Variants in APBB2 observed in about 807,000 individuals in gnomAD.
APBB2 encodes amyloid beta precursor protein binding family B member 2, also known as Fe65-like 1.
Under a neutral mutation model 82.5 loss-of-function variants are expected in APBB2, and 38 were observed. The observed-to-expected ratio is 0.46, with a 90% confidence interval of 0.36 to 0.60. APBB2 has a LOEUF of 0.60. Ranked by LOEUF, APBB2 falls within the 20% of genes least tolerant of loss-of-function variation. The pLI is 0.00. For synonymous variants in APBB2, 341 were observed against 368.2 expected (o/e 0.93, Z 0.85); for missense variants, 772 against 972.3 (o/e 0.79, Z 2.74).
At chr4:41,015,501 G>C (rs1468188360) in intron 5 of APBB2, among the ~76,000 whole-genome samples, 2 of 152,162 alleles carry the variant, frequency 1.3e-5, no homozygotes, top group Non-Finnish European at 2.9e-5. Flanking sequence ...GCAAAACAGG[G>C]ATCTTTGCAG....
intron 12 of APBB2, among the ~76,000 whole-genome samples, chr4:40,869,688 A>G (rs1764943779): frequency 1.3e-5 from 2 of 149,352 alleles, no homozygotes; most frequent in South Asian, 4.3e-4. Flanking sequence ...AAGGCAGACA[A>G]GGAATATACG....
chr4:40,981,588 T>C (rs62412067), intron 6 of APBB2, among the ~76,000 whole-genome samples: 2 of 152,094 alleles, frequency 1.3e-5, no homozygotes, highest in African/African-American at 4.8e-5. Flanking sequence ...GGAAAAAAAT[T>C]CCACTTCACA....
intron 12 of APBB2, among the ~76,000 whole-genome samples, chr4:40,852,351 CAA>C (rs771660810): frequency 0.06 from 5,603 of 94,046 alleles, 151 homozygotes; most frequent in African/African-American, 0.12. Flanking sequence ...ACTCTGTCTT[CAA>C]AAAAAAAAAA....
At chr4:41,177,267 A>G (rs1287147525) in intron 1 of APBB2, among the ~76,000 whole-genome samples, 1 of 152,120 alleles carries the variant, frequency 6.6e-6, no homozygotes, top group Non-Finnish European at 1.5e-5. Context: ...ACAGGAGGCA[A>G]ACAAGATCTA....
In APBB2 at chr4:40,832,011, TATACACAC is replaced by T. The variant is rs1175795939; in HGVS notation, c.1530-1442_1530-1435del. ...ACACACATATTTATATATTTATTTA[TATACACAC>T]ACACACACACACACACACACACACA... On this transcript the variant is annotated intron_variant, in intron 12 of 17. Transcript: ENST00000508593. This position sits in a 1 kb window ranked among gnomAD's most constrained non-coding sequence, Gnocchi z 4.8. Among the ~76,000 whole-genome samples, 9 of 49,580 alleles carry T rather than the reference TATACACAC, an allele frequency of 1.8e-4. No individual in the cohort carries two copies. The highest frequency in any genetic ancestry group is 4.7e-4 in the African/African-American group (9 of 19,152). 32.5% of individuals were successfully genotyped at this position (49,580 alleles called of 152,430 possible).
At chr4:41,084,536 A>T (rs115135369) in intron 3 of APBB2, 4 of 152,238 alleles carry the variant, frequency 2.6e-5, no homozygotes, top group South Asian at 2.1e-4. Context: ...ACAAGTGTTC[A>T]TCATGCCCCT....
At chr4:40,871,692 A>C (rs529704284) in intron 12 of APBB2, among the ~76,000 whole-genome samples, 1 of 152,380 alleles carries the variant, frequency 6.6e-6, no homozygotes, top group South Asian at 2.1e-4. Context: ...GAAAGGACTA[A>C]TGGAGATAGA....
intron 4 of APBB2, among the ~76,000 whole-genome samples, chr4:41,059,449 A>C (rs1382947843): frequency 1.3e-5 from 2 of 152,276 alleles, no homozygotes; most frequent in Non-Finnish European, 2.9e-5. Context: ...GGCCATAAAC[A>C]AAATATCGGC....
chr4:41,008,885 C>G (rs1807537636), intron 6 of APBB2, among the ~76,000 whole-genome samples: 1 of 152,236 alleles, frequency 6.6e-6, no homozygotes, highest in African/African-American at 2.4e-5. Context: ...CATTGCCACA[C>G]CCATCTAGAC....
intron 10 of APBB2, among the ~76,000 whole-genome samples, chr4:40,911,290 C>T (rs969210378): frequency 2.0e-5 from 3 of 152,076 alleles, no homozygotes; most frequent in African/African-American, 4.8e-5. Flanking sequence ...ACTCGGGGGT[C>T]CTGGCATCAA....
intron 6 of APBB2, among the ~76,000 whole-genome samples, chr4:40,972,784 A>G (rs1380450134): frequency 6.6e-6 from 1 of 152,230 alleles, no homozygotes; most frequent in Non-Finnish European, 1.5e-5. Context: ...TAGTGAATAC[A>G]GTTGGTGACA....
intron 12 of APBB2, among the ~76,000 whole-genome samples, chr4:40,854,623 C>CT (rs1212039768): frequency 2.6e-5 from 4 of 151,924 alleles, no homozygotes; most frequent in Admixed American, 1.3e-4. Context: ...CCTGTCTCTA[C>CT]TAAAAATACA....
At chr4:41,035,284 C>T (rs1350175194) in intron 4 of APBB2, among the ~76,000 whole-genome samples, 1 of 152,178 alleles carries the variant, frequency 6.6e-6, no homozygotes, top group East Asian at 1.9e-4. Context: ...ATTTATGATT[C>T]TGATAATGAC....
In APBB2 at chr4:41,091,649, C is replaced by T. The variant is rs74928039; in HGVS notation, c.-149+8990G>A. ...GCAGAGTTATCTAGCACAACACAGG[C>T]AGTCCATAAATATCTGCGGAGTAAA... On this transcript the variant is annotated intron_variant, in intron 3 of 17. Transcript: ENST00000508593. 3.2e-3 allele frequency among the ~76,000 whole-genome samples: 484 copies of T among 152,298 alleles called. 1 individual carries two copies. Among genetic ancestry groups the T allele is most frequent in the Middle Eastern group, 6.8e-3 (2 of 294 alleles).
In APBB2 at chr4:40,815,530, T is replaced by G. The variant is rs1486655839; in HGVS notation, c.*562A>C. 1 of 152,688 alleles carries G rather than the reference T, an allele frequency of 6.5e-6. No individual in the cohort carries two copies. Among genetic ancestry groups the G allele is most frequent in the Non-Finnish European group, 1.5e-5 (1 of 68,100 alleles). 9.5% of individuals were successfully genotyped at this position (152,688 alleles called of 1,614,324 possible). ...GAGCTTGTCAGGGAAAGCTGCCAGT[T>G]GGTTTCTATACTGATGCCAACAGCC... On this transcript the variant is annotated 3_prime_UTR_variant, in exon 18 of 18. Coordinates refer to ENST00000508593, the MANE Select transcript of APBB2 (RefSeq NM_004307.2).
chr4:41,152,501 T>C (rs1190625513), intron 1 of APBB2, among the ~76,000 whole-genome samples: 1 of 152,120 alleles, frequency 6.6e-6, no homozygotes, highest in African/African-American at 2.4e-5. Flanking sequence ...TAATTTTTTT[T>C]GTATTTTTAG....
At chr4:41,013,473 G>A (rs568808672) in intron 6 of APBB2, 110 bp downstream of exon 6, 17 of 1,030,434 alleles carry the variant, frequency 1.6e-5, no homozygotes, top group Non-Finnish European at 2.1e-5. Context: ...AGAGGCTCAC[G>A]TTCCTCTCTG....
At chr4:41,054,765 T>G (rs1727245664) in intron 4 of APBB2, among the ~76,000 whole-genome samples, 1 of 152,122 alleles carries the variant, frequency 6.6e-6, no homozygotes, top group Non-Finnish European at 1.5e-5. Context: ...TGATCACAAC[T>G]TGACCACTGA....
chr4:40,879,993 A>C, intron 12 of APBB2: 3 of 985,184 alleles, frequency 3.0e-6, no homozygotes, highest in Non-Finnish European at 3.6e-6. Context: ...CACCCAGCAG[A>C]CCCAGGACAA....
Sources: gnomAD v4.1 joint callset for allele counts (sites outside exome capture counted in the v4.1 genomes callset) on GRCh38, gnomAD v4.1.1 for gene constraint, Gnocchi (gnomAD v3.1) non-coding constraint, MANE v1.5 for transcripts, NCBI Gene and HGNC (gene_info 2026-07-23, HGNC 2026-07-21) for gene names.